Variants in WASF3 observed in about 807,000 individuals in gnomAD.
The protein encoded by WASF3 is WASP family member 3.
A neutral mutation model predicts 46.6 loss-of-function variants in WASF3; 11 were observed. The ratio of observed to expected loss-of-function variants is 0.24; its 90% CI spans 0.15 to 0.39. The LOEUF (loss-of-function observed/expected upper bound fraction) is 0.39, where lower values mean the gene tolerates loss of function less well. WASF3 is among the 10% of genes least tolerant of loss of function. WASF3 has a pLI of 1.00. For synonymous variants in WASF3, 242 were observed against 259.7 expected (o/e 0.93, Z 0.65); for missense variants, 576 against 669.8 (o/e 0.86, Z 1.55).
At chr13:26,588,520 A>G (rs537794755) in intron 1 of WASF3, among the ~76,000 whole-genome samples, 30 of 152,314 alleles carry the variant, frequency 2.0e-4, no homozygotes, top group African/African-American at 6.7e-4. Flanking sequence ...GTTTTTACCA[A>G]AGTCAAATAG....
rs997459888 is a variant in WASF3, at chr13:26,557,839, G to C, written c.-109+20G>C. ...GGACCGGTGAGTGAGGGCTGCGGTC[G>C]CCCCGGCTCTCCGCTGTAGGCTGCT... On this transcript the variant is annotated intron_variant, in intron 1 of 9. Transcript: ENST00000335327. 3.3e-6 allele frequency: 1 copy of C among 303,588 alleles called. No individual in the cohort carries two copies. Among genetic ancestry groups the C allele is most frequent in the East Asian group, 5.2e-5 (1 of 19,066 alleles). The allele number at this position is 303,588 out of a possible 1,614,324, so 18.8% of individuals were successfully genotyped here.
intron 1 of WASF3, among the ~76,000 whole-genome samples, chr13:26,602,470 T>C (rs1362315531): frequency 2.6e-5 from 4 of 152,216 alleles, no homozygotes; most frequent in South Asian, 2.1e-4. Flanking sequence ...TTTAGTTCCC[T>C]GATTACTTTA....
chr13:26,544,833 A>G, the WASF3 span, among the ~76,000 whole-genome samples: 1 of 152,242 alleles, frequency 6.6e-6, no homozygotes, highest in African/African-American at 2.4e-5. Flanking sequence ...GGTTCCCACC[A>G]TACTGTGGAC....
intron 1 of WASF3, among the ~76,000 whole-genome samples, chr13:26,570,950 GC>G (rs1879615249): frequency 2.6e-5 from 4 of 152,128 alleles, no homozygotes; most frequent in Non-Finnish European, 4.4e-5. Flanking sequence ...TTTATAGCCT[GC>G]TAGTTAGAGG....
At chr13:26,681,915 T>A (rs1883243539) in intron 8 of WASF3, among the ~76,000 whole-genome samples, 2 of 152,180 alleles carry the variant, frequency 1.3e-5, no homozygotes, top group African/African-American at 4.8e-5. Context: ...TCAGAGTTGG[T>A]GCCCAGGAAA....
chr13:26,653,140 C>A (rs1318546330), intron 3 of WASF3, among the ~76,000 whole-genome samples: 2 of 152,158 alleles, frequency 1.3e-5, no homozygotes, highest in Non-Finnish European at 1.5e-5. Context: ...TTCACCCTCC[C>A]TTAAATGGAT....
upstream of WASF3, among the ~76,000 whole-genome samples, chr13:26,554,104 T>C (rs184858578): frequency 1.1e-4 from 12 of 113,464 alleles, no homozygotes; most frequent in African/African-American, 2.7e-4. Flanking sequence ...TCCTTCTTTC[T>C]TTCTTTCTTT....
chr13:26,540,410 G>C, the WASF3 span, among the ~76,000 whole-genome samples: 1 of 152,180 alleles, frequency 6.6e-6, no homozygotes, highest in Non-Finnish European at 1.5e-5. Flanking sequence ...TGCCCAGCAT[G>C]CTCTTCTTCC....
chr13:26,593,122 G>A (rs1880353555), intron 1 of WASF3, among the ~76,000 whole-genome samples: 1 of 152,108 alleles, frequency 6.6e-6, no homozygotes, highest in African/African-American at 2.4e-5. Context: ...GTATGTGGGT[G>A]GGGAGTGGGG....
Position 26,679,139 on chromosome 13 carries a change from C to G in WASF3, c.717-1915C>G, listed in dbSNP as rs1451613063. 1.3e-5 allele frequency among the ~76,000 whole-genome samples: 2 copies of G among 152,126 alleles called. No individual in the cohort carries two copies. Among genetic ancestry groups the G allele is most frequent in the African/African-American group, 4.8e-5 (2 of 41,412 alleles). The stretch of plus-strand genomic sequence containing the variant: ...TCCTCTCTTCTGTAATAGGTGATCA[C>G]TGACCATCATGAGGCCTCGGGATCT... On this transcript the variant is annotated intron_variant, in intron 7 of 9. Transcript: ENST00000335327. The surrounding 1 kb of genome is among the most constrained non-coding windows in gnomAD (Gnocchi z 4.8).
chr13:26,643,155 C>A (rs1882050352), intron 3 of WASF3, among the ~76,000 whole-genome samples: 1 of 152,086 alleles, frequency 6.6e-6, no homozygotes, highest in African/African-American at 2.4e-5. Context: ...GCACTATTTT[C>A]CCCCAAACTT....
In WASF3 at chr13:26,683,086, A is replaced by G; in HGVS notation, c.1351+112A>G. 4.2e-6 allele frequency: 6 copies of G among 1,440,624 alleles called. No individual in the cohort carries two copies. The South Asian group carries it at 6.9e-5, about 17-fold the overall frequency. 89.2% of individuals were successfully genotyped at this position (1,440,624 alleles called of 1,614,324 possible). A position where few individuals can be genotyped will look rare whatever the true frequency, so the allele number is the denominator to read the frequency against. ...ATGACTACTCACTACGTTTTTTAAA[A>G]TAGAGTTAAAGGGGTCTTACTTGAT... On this transcript the variant is annotated intron_variant, in intron 9 of 9. Coordinates refer to ENST00000335327, the MANE Select transcript of WASF3 (RefSeq NM_006646.6).
At chr13:26,671,452 T>TA (rs1882922511) in intron 5 of WASF3, among the ~76,000 whole-genome samples, 1 of 152,224 alleles carries the variant, frequency 6.6e-6, no homozygotes, top group African/African-American at 2.4e-5. Flanking sequence ...TACTAATTTT[T>TA]ATCCTAATGA....
At chr13:26,597,494 T>TA (rs748958472) in intron 1 of WASF3, among the ~76,000 whole-genome samples, 4 of 152,114 alleles carry the variant, frequency 2.6e-5, no homozygotes, top group Non-Finnish European at 5.9e-5. Context: ...CTTTTTTTTT[T>TA]ATTATACTTT....
At chr13:26,583,380 T>A (rs1490421802) in intron 1 of WASF3, among the ~76,000 whole-genome samples, 1 of 152,204 alleles carries the variant, frequency 6.6e-6, no homozygotes, top group Non-Finnish European at 1.5e-5. Flanking sequence ...GAAATCCTGA[T>A]TCTAGTCTAG....
At chr13:26,600,840 C>T (rs890466418) in intron 1 of WASF3, among the ~76,000 whole-genome samples, 8 of 152,220 alleles carry the variant, frequency 5.3e-5, no homozygotes, top group Non-Finnish European at 1.0e-4. Flanking sequence ...CCTACACACC[C>T]TCTCTCCACC....
In WASF3 at chr13:26,679,186, G is replaced by A. The variant is rs78387052; in HGVS notation, c.717-1868G>A. Reference sequence around the variant, plus strand: ...ATCTCCACTCACCTCCACCTTGGCCGTGCGTCTGCAGCTGGTTTCTGCCTC... The same window carrying A: ...ATCTCCACTCACCTCCACCTTGGCCATGCGTCTGCAGCTGGTTTCTGCCTC... On this transcript the variant is annotated intron_variant, in intron 7 of 9. Transcript: ENST00000335327. The surrounding 1 kb of genome is among the most constrained non-coding windows in gnomAD (Gnocchi z 4.8). Among the ~76,000 whole-genome samples the A allele has an allele frequency of 3.1e-3, 473 of 152,168 alleles. 3 individuals are homozygous for A. Among genetic ancestry groups the A allele is most frequent in the African/African-American group, 0.011 (443 of 41,512 alleles).
intron 3 of WASF3, among the ~76,000 whole-genome samples, chr13:26,647,703 C>T (rs1034721504): frequency 6.6e-5 from 10 of 151,550 alleles, no homozygotes; most frequent in African/African-American, 2.4e-4. Flanking sequence ...TCGCTCCTCC[C>T]CCATAAAATT....
At chr13:26,593,798 T>G (rs914097455) in intron 1 of WASF3, among the ~76,000 whole-genome samples, 1 of 152,236 alleles carries the variant, frequency 6.6e-6, no homozygotes, top group Admixed American at 6.5e-5. Context: ...TTTAGTGTCA[T>G]GTCAGAAAAA....
Sources: allele counts gnomAD v4.1 joint callset (sites outside exome capture counted in the v4.1 genomes callset), GRCh38; gene constraint gnomAD v4.1.1; non-coding constraint Gnocchi (gnomAD v3.1); transcripts MANE v1.5; gene names NCBI Gene and HGNC (gene_info 2026-07-23, HGNC 2026-07-21).